LINGO2: variants seen among roughly 807,000 people sequenced by gnomAD.
LINGO2 encodes the protein leucine rich repeat and Ig domain containing 2, also known as leucine-rich repeat and immunoglobulin-like domain-containing nogo receptor-interacting protein 2.
A neutral mutation model predicts 30.6 loss-of-function variants in LINGO2; 14 were observed. The ratio of observed to expected loss-of-function variants is 0.46; its 90% confidence interval spans 0.30 to 0.72. The LOEUF is 0.72. Among genes scored for constraint, LINGO2 ranks in the 30% least tolerant of loss-of-function variants. LINGO2 has a pLI of 0.07. For missense variants in LINGO2, 729 were observed against 751.7 expected, an observed-to-expected ratio of 0.97 and a Z score of 0.35; for synonymous variants, 317 against 288.5, an observed-to-expected ratio of 1.10 and a Z score of -1.00.
chr9:28,200,733 C>A lies in LINGO2; in HGVS notation c.-87+94475G>T, dbSNP rs1820200015. Among the ~76,000 whole-genome samples the A allele has an allele frequency of 2.0e-5, 3 of 152,220 alleles. No individual in the cohort carries two copies. The South Asian group carries it at 6.2e-4, about 32-fold the overall frequency. On this transcript the variant is annotated intron_variant, in intron 4 of 5. Transcript: ENST00000379992. ...TAGAAGTAACACATAAATAAGTACC[C>A]TCCAGTCATCTATGTCTTACCACAA... is the stretch of plus-strand genomic sequence containing the variant.
the LINGO2 span, among the ~76,000 whole-genome samples, chr9:29,132,663 T>A: frequency 1.3e-5 from 2 of 152,152 alleles, no homozygotes; most frequent in Non-Finnish European, 2.9e-5. Context: ...CTTGCTTCAT[T>A]CTTTCGTTGC....
At chr9:28,035,619 A>T (rs1303212459) in intron 4 of LINGO2, among the ~76,000 whole-genome samples, 3 of 152,202 alleles carry the variant, frequency 2.0e-5, no homozygotes, top group Non-Finnish European at 4.4e-5. Context: ...CTTCAGTGAA[A>T]ACATTTAAGT....
chr9:29,056,963 C>A, the LINGO2 span, among the ~76,000 whole-genome samples: 1 of 152,054 alleles, frequency 6.6e-6, no homozygotes, highest in Admixed American at 6.6e-5. Context: ...ATTTTTATAC[C>A]AGTACCATGC....
chr9:28,569,900 TTAAA>T (rs1454472115), intron 1 of LINGO2, among the ~76,000 whole-genome samples: 2 of 151,942 alleles, frequency 1.3e-5, no homozygotes, highest in African/African-American at 4.8e-5. Context: ...ATTGTATACC[TTAAA>T]TATTTATAAT....
At chr9:28,634,885 C>T (rs1306147862) in intron 1 of LINGO2, among the ~76,000 whole-genome samples, 2 of 152,112 alleles carry the variant, frequency 1.3e-5, no homozygotes, top group African/African-American at 4.8e-5. Context: ...CTCTTTTCAA[C>T]CCTTTTGCCC....
intron 1 of LINGO2, among the ~76,000 whole-genome samples, chr9:28,619,687 G>C (rs1316481920): frequency 1.3e-5 from 2 of 152,052 alleles, no homozygotes; most frequent in Non-Finnish European, 2.9e-5. Flanking sequence ...TGTTCTTGGA[G>C]GTGCCAGTGT....
the LINGO2 span, among the ~76,000 whole-genome samples, chr9:28,885,780 T>G: frequency 6.6e-6 from 1 of 152,090 alleles, no homozygotes. Context: ...TGGTGGAACA[T>G]TTGAACAGGA....
chr9:29,188,094 T>C, the LINGO2 span, among the ~76,000 whole-genome samples: 4 of 137,514 alleles, frequency 2.9e-5, no homozygotes, highest in African/African-American at 8.2e-5. Flanking sequence ...CATAGGACAA[T>C]AGTGGAGGGA....
Position 28,622,440 on chromosome 9 carries a change from T to G in LINGO2, c.-365+47760A>C, listed in dbSNP as rs77090175. Reference sequence around the variant, plus strand: ...TGGTTCCCAAAAATAAGTGAGAACTTACAATGTTTGTCTTTCTGTGTCTGG... The same window carrying G: ...TGGTTCCCAAAAATAAGTGAGAACTGACAATGTTTGTCTTTCTGTGTCTGG... On this transcript the variant is annotated intron_variant, in intron 1 of 5. Coordinates refer to ENST00000379992, the Ensembl canonical transcript of LINGO2. Among the ~76,000 whole-genome samples the G allele has an allele frequency of 9.2e-5, 14 of 152,182 alleles. No individual in the cohort carries two copies. In the East Asian group the frequency reaches 2.7e-3, roughly 29 times the overall value.
chr9:28,441,251 C>CTTTTTTTTTT lies in LINGO2; in HGVS notation c.-279+34679_-279+34688dup, dbSNP rs72213590. On this transcript the variant is annotated intron_variant, in intron 2 of 5. Coordinates refer to ENST00000379992, the Ensembl canonical transcript of LINGO2. ...TATAGCAGTATAAATTCATTGGAGG[C>CTTTTTTTTTT]TTTTTTTTTTTTTTTTTTTTTTTTT... Among the ~76,000 whole-genome samples, 47 of 36,286 alleles carry CTTTTTTTTTT rather than the reference C, an allele frequency of 1.3e-3. 9 individuals are homozygous for CTTTTTTTTTT. Among genetic ancestry groups the CTTTTTTTTTT allele is most frequent in the South Asian group, 2.5e-3 (2 of 810 alleles). The allele number at this position is 36,286 out of a possible 152,430, so 23.8% of individuals were successfully genotyped here.
In LINGO2 at chr9:27,949,538, C is replaced by T. The variant is rs1823525019; in HGVS notation, c.1134G>A (p.Gln378=). The T allele has an allele frequency of 1.9e-6, 3 of 1,614,060 alleles. No individual in the cohort carries two copies. In the African/African-American group the frequency reaches 4.0e-5, roughly 22 times the overall value. ...TGTCTGGGCCAGCACACATAGGTTG[C>T]TGGCCACCAAACTGCAGGGTGGGCT... The change falls in exon 6 of 6, where the codon CAG becomes CAA. Residue 378 remains glutamine (Q), a synonymous_variant. Coordinates refer to ENST00000379992, the Ensembl canonical transcript of LINGO2.
chr9:28,538,926 G>C (rs545814417), intron 1 of LINGO2, among the ~76,000 whole-genome samples: 39 of 151,414 alleles, frequency 2.6e-4, no homozygotes, highest in Middle Eastern at 3.4e-3. Context: ...GAAAGCAAAG[G>C]GAAAGCATGG....
chr9:28,181,413 A>C (rs1368955813), intron 4 of LINGO2, among the ~76,000 whole-genome samples: 5 of 152,146 alleles, frequency 3.3e-5, no homozygotes, highest in Non-Finnish European at 7.4e-5. Context: ...AGGCCAGTGG[A>C]TCTCAAAGTG....
intron 4 of LINGO2, among the ~76,000 whole-genome samples, chr9:28,239,428 A>C (rs1465431133): frequency 6.6e-6 from 1 of 152,156 alleles, no homozygotes; most frequent in Admixed American, 6.6e-5. Context: ...TATTAAAAAT[A>C]TCATTCATCA....
At chr9:28,898,352 C>A in the LINGO2 span, among the ~76,000 whole-genome samples, 3 of 152,078 alleles carry the variant, frequency 2.0e-5, no homozygotes, top group African/African-American at 7.2e-5. Context: ...ACAACAAGCC[C>A]AGAAAAAAGA....
chr9:28,217,081 T>C (rs1016959510), intron 4 of LINGO2, among the ~76,000 whole-genome samples: 1 of 150,962 alleles, frequency 6.6e-6, no homozygotes, highest in Non-Finnish European at 1.5e-5. Flanking sequence ...CTGATGTCAA[T>C]AAATTCATGA....
intron 1 of LINGO2, among the ~76,000 whole-genome samples, chr9:28,483,083 A>G (rs1229161416): frequency 6.6e-6 from 1 of 152,106 alleles, no homozygotes; most frequent in Non-Finnish European, 1.5e-5. Context: ...CAAAACCTAA[A>G]ACGTGCAAGG....
chr9:28,049,584 G>T (rs1011373529), intron 4 of LINGO2, among the ~76,000 whole-genome samples: 2 of 150,548 alleles, frequency 1.3e-5, no homozygotes, highest in Non-Finnish European at 2.9e-5. Flanking sequence ...TTTAAGTCTA[G>T]ATTTTACCGC....
intron 2 of LINGO2, among the ~76,000 whole-genome samples, chr9:28,435,526 T>C (rs558615890): frequency 3.2e-4 from 48 of 152,282 alleles, no homozygotes; most frequent in Non-Finnish European, 5.7e-4. Context: ...TGATGCCCAA[T>C]TGTCATTCTA....
Sources: allele counts gnomAD v4.1 joint callset (sites outside exome capture counted in the v4.1 genomes callset), GRCh38; gene constraint gnomAD v4.1.1; transcripts MANE v1.5; gene names NCBI Gene and HGNC (gene_info 2026-07-23, HGNC 2026-07-21).